Variants in TMEM232 observed in about 807,000 individuals in gnomAD.
TMEM232 encodes transmembrane protein 232.
TMEM232 carries 80 observed loss-of-function variants against 78.8 expected under a neutral mutation model. That is an observed-to-expected ratio of 1.01 (90% CI 0.85 to 1.22). The LOEUF is 1.22. Ranked by LOEUF, TMEM232 falls within the 50% of genes most tolerant of loss-of-function variation. TMEM232 has a pLI of 0.00. For missense variants in TMEM232, 881 were observed against 742.2 expected (o/e 1.19, Z -2.17); for synonymous variants, 297 against 254.3 (o/e 1.17, Z -1.60).
At chr5:110,512,935 T>G (rs1767995815) in intron 12 of TMEM232, among the ~76,000 whole-genome samples, 3 of 152,204 alleles carry the variant, frequency 2.0e-5, no homozygotes, top group Admixed American at 1.3e-4. Context: ...TATCACATCA[T>G]GTTACTATGA....
chr5:110,693,973 G>C (rs542698155), intron 1 of TMEM232, among the ~76,000 whole-genome samples: 1 of 151,996 alleles, frequency 6.6e-6, no homozygotes, highest in Admixed American at 6.6e-5. Context: ...GATACTCCTC[G>C]AGAAGAGCAA....
intron 1 of TMEM232, among the ~76,000 whole-genome samples, chr5:110,688,953 T>G (rs1793754665): frequency 1.3e-5 from 2 of 152,142 alleles, no homozygotes; most frequent in South Asian, 4.1e-4. Context: ...GCATATCTGG[T>G]TGTTCCCCTA....
At chr5:110,655,235 A>G (rs1209419944) in intron 2 of TMEM232, among the ~76,000 whole-genome samples, 2 of 152,070 alleles carry the variant, frequency 1.3e-5, no homozygotes, top group Non-Finnish European at 2.9e-5. Context: ...CCCATCAAAA[A>G]GTGGGCAAAG....
At chr5:110,506,905 C>G (rs1055393417) in intron 12 of TMEM232, among the ~76,000 whole-genome samples, 1 of 151,998 alleles carries the variant, frequency 6.6e-6, no homozygotes, top group African/African-American at 2.4e-5. Context: ...TTATATTTTT[C>G]TTTTTTTCTG....
chr5:110,387,808 T>G (rs528689982), exon 5 of TMEM232: 1 of 152,332 alleles, frequency 6.6e-6, no homozygotes, highest in East Asian at 1.9e-4. Flanking sequence ...ATTTGCCTGT[T>G]GTCCTTTTCA....
rs543123424 is a variant in TMEM232, at chr5:110,442,258, C to T, written c.1704-17342G>A. On this transcript the variant is annotated intron_variant, in intron 12 of 13. Transcript: ENST00000455884. ...TTTAAGGCCAATAACTCTTAGATTTCCCCTTTCGAGGTTATTTTCTACATC... is the reference window on the plus strand; with the variant it reads ...TTTAAGGCCAATAACTCTTAGATTTTCCCTTTCGAGGTTATTTTCTACATC... Among the ~76,000 whole-genome samples the T allele has an allele frequency of 2.6e-5, 4 of 152,168 alleles. 1 individual carries two copies. The South Asian group carries it at 8.3e-4, about 32-fold the overall frequency.
intron 2 of TMEM232, among the ~76,000 whole-genome samples, chr5:110,653,467 A>C (rs894803794): frequency 5.9e-5 from 9 of 152,218 alleles, no homozygotes; most frequent in Admixed American, 2.6e-4. Flanking sequence ...TTGTGGAAAT[A>C]GCATGTGATC....
intron 12 of TMEM232, among the ~76,000 whole-genome samples, chr5:110,491,818 A>G (rs1194655992): frequency 6.6e-6 from 1 of 151,958 alleles, no homozygotes; most frequent in Non-Finnish European, 1.5e-5. Flanking sequence ...GAGATTTTTA[A>G]AGTAAACAAA....
intron 12 of TMEM232, among the ~76,000 whole-genome samples, chr5:110,446,821 G>A (rs1759697928): frequency 6.6e-6 from 1 of 152,028 alleles, no homozygotes. Context: ...TGTTGGGTTT[G>A]CTGCATCCCT....
At chr5:110,399,299 CTG>C (rs1755504862) in intron 2 of TMEM232, among the ~76,000 whole-genome samples, 1 of 152,142 alleles carries the variant, frequency 6.6e-6, no homozygotes. Flanking sequence ...TCTTGTAACA[CTG>C]AGCAGTGGTG....
chr5:110,524,091 C>A (rs1372380757), intron 12 of TMEM232, among the ~76,000 whole-genome samples: 2 of 150,566 alleles, frequency 1.3e-5, no homozygotes, highest in East Asian at 3.9e-4. Context: ...GGTGAAACGC[C>A]GTCTCTACTG....
intron 4 of TMEM232, 91 bp from the exon 5 acceptor site, chr5:110,638,446 A>T (rs1786200703): frequency 8.0e-7 from 1 of 1,245,626 alleles, no homozygotes; most frequent in South Asian, 1.6e-5. Context: ...ATTTCCTGTC[A>T]TTAAGACCAA....
In TMEM232 at chr5:110,625,271, T is replaced by A. The variant is rs541701511; in HGVS notation, c.764A>T (p.Asp255Val). Residue 255 changes from aspartate to valine, a missense_variant, in exon 7 of 14, where the codon GAT becomes GTT. Transcript: ENST00000455884. ...DKKRYENTDS[D>V]MGGYEINHLL... ...CCACCATACCAGATTACTCACCATA[T>A]CAGAATCTGTGTTCTCATATCTTTT... 1.3e-6 allele frequency: 2 copies of A among 1,533,966 alleles called. No individual in the cohort carries two copies. The highest frequency in any genetic ancestry group is 2.5e-5 in the South Asian group (2 of 80,636).
intron 9 of TMEM232, 70 bp from the exon 10 acceptor site, chr5:110,605,428 TATA>T (rs1458670047): frequency 7.6e-6 from 11 of 1,444,748 alleles, no homozygotes; most frequent in Non-Finnish European, 9.2e-6. Context: ...ACAGTGTACT[TATA>T]ATAATTGTTA....
rs369913835 is a variant in TMEM232 at position 110,391,291 on chromosome 5, ATGTGTGTGTGTGTG to A, written n.391-665_391-652del. Among the ~76,000 whole-genome samples the A allele has an allele frequency of 2.3e-4, 30 of 130,576 alleles. 1 individual carries two copies. The highest frequency in any genetic ancestry group is 6.3e-5 in the Non-Finnish European group (4 of 63,258). The allele number at this position is 130,576 out of a possible 152,430, so 85.7% of individuals were successfully genotyped here. On this transcript the variant is annotated intron_variant and non_coding_transcript_variant, in intron 3 of 8. Coordinates refer to the TMEM232 transcript ENST00000507188. ...AAAGAAGTCTGAGGCTCCCGTTTGA[ATGTGTGTGTGTGTG>A]TGTGTGTGTGTGTGTGTGTGTGAGA...
intron 11 of TMEM232, among the ~76,000 whole-genome samples, chr5:110,542,210 C>T (rs1773223427): frequency 6.6e-6 from 1 of 152,130 alleles, no homozygotes; most frequent in Non-Finnish European, 1.5e-5. Context: ...GTCTTTGTTG[C>T]ATAGTTACTG....
At chr5:110,609,487 T>A (rs1420361916) in intron 8 of TMEM232, among the ~76,000 whole-genome samples, 1 of 152,030 alleles carries the variant, frequency 6.6e-6, no homozygotes, top group African/African-American at 2.4e-5. Flanking sequence ...ATTTTTTTTT[T>A]AAGTAGTGAG....
intron 7 of TMEM232, among the ~76,000 whole-genome samples, chr5:110,621,950 G>A (rs1291048710): frequency 6.6e-6 from 1 of 152,144 alleles, no homozygotes; most frequent in Admixed American, 6.6e-5. Context: ...CATAAATTAT[G>A]AGTGTCTGAC....
chr5:110,399,148 A>G (rs1755499329), intron 2 of TMEM232, among the ~76,000 whole-genome samples: 1 of 152,136 alleles, frequency 6.6e-6, no homozygotes, highest in Non-Finnish European at 1.5e-5. Flanking sequence ...AAAAAAGCTT[A>G]CACAGCACAA....
Sources: gnomAD v4.1 joint callset for allele counts (sites outside exome capture counted in the v4.1 genomes callset) on GRCh38, gnomAD v4.1.1 for gene constraint, MANE v1.5 for transcripts, NCBI Gene and HGNC (gene_info 2026-07-23, HGNC 2026-07-21) for gene names.